The following MLLT10 variants were observed in gnomAD, a reference collection of about 807,000 sequenced individuals.
MLLT10 encodes MLLT10 histone lysine methyltransferase DOT1L cofactor.
In MLLT10, 30 loss-of-function variants were observed where a neutral mutation model predicts 129.1. That is an observed-to-expected ratio of 0.23 (90% CI 0.17 to 0.32). The LOEUF is 0.32. Among genes scored for constraint, MLLT10 ranks in the 10% least tolerant of loss-of-function variants. The pLI, the probability that MLLT10 is intolerant of heterozygous loss-of-function variation, is 1.00. For synonymous variants in MLLT10, 490 were observed against 446.4 expected, an observed-to-expected ratio of 1.10 and a Z score of -1.23; for missense variants, 1,119 against 1,268.3, an observed-to-expected ratio of 0.88 and a Z score of 1.79.
At chr10:21,562,361 G>A (rs2038932525) in intron 3 of MLLT10, among the ~76,000 whole-genome samples, 2 of 149,838 alleles carry the variant, frequency 1.3e-5, no homozygotes, top group South Asian at 2.1e-4. Flanking sequence ...TTTTGAGACG[G>A]CGTCTCACTC....
intron 3 of MLLT10, among the ~76,000 whole-genome samples, chr10:21,547,002 C>T (rs1045287029): frequency 3.9e-5 from 6 of 151,988 alleles, no homozygotes; most frequent in Non-Finnish European, 4.4e-5. Flanking sequence ...GGATTACAGG[C>T]GTGAACTCCC....
intron 2 of MLLT10, among the ~76,000 whole-genome samples, chr10:21,536,314 A>G (rs547250310): frequency 6.6e-6 from 1 of 152,302 alleles, no homozygotes; most frequent in South Asian, 2.1e-4. Context: ...GTCAAACCAG[A>G]TACTGATTTT....
chr10:21,651,123 G>A (rs970247514), intron 8 of MLLT10, among the ~76,000 whole-genome samples: 15 of 152,066 alleles, frequency 9.9e-5, no homozygotes, highest in African/African-American at 3.6e-4. Context: ...CCAGGCTCGG[G>A]TGCAGTGGAA....
chr10:21,630,201 GT>G (rs2046871314), intron 8 of MLLT10, among the ~76,000 whole-genome samples: 1 of 152,160 alleles, frequency 6.6e-6, no homozygotes, highest in Non-Finnish European at 1.5e-5. Flanking sequence ...TTTCAAAAGT[GT>G]TTAAAATAAT....
intron 14 of MLLT10, among the ~76,000 whole-genome samples, chr10:21,723,357 C>A (rs552710741): frequency 6.6e-4 from 101 of 152,192 alleles, no homozygotes; most frequent in African/African-American, 2.4e-3. Flanking sequence ...GCAGAAGGAA[C>A]CCTTCCTAAA....
chr10:21,636,460 T>C (rs2047469184), intron 8 of MLLT10, among the ~76,000 whole-genome samples: 1 of 152,206 alleles, frequency 6.6e-6, no homozygotes, highest in African/African-American at 2.4e-5. Flanking sequence ...ATTTCACTTT[T>C]ATATTGTCTT....
At chr10:21,637,495 T>C (rs2047572893) in intron 8 of MLLT10, among the ~76,000 whole-genome samples, 2 of 152,162 alleles carry the variant, frequency 1.3e-5, no homozygotes, top group Non-Finnish European at 1.5e-5. Flanking sequence ...GTTGAGCAGG[T>C]CTTTGAAATT....
At chr10:21,713,139 G>A (rs1007728011) in intron 13 of MLLT10, among the ~76,000 whole-genome samples, 1 of 152,000 alleles carries the variant, frequency 6.6e-6, no homozygotes, top group Non-Finnish European at 1.5e-5. Flanking sequence ...TGTCTTAATC[G>A]TTCCTCCTCT....
chr10:21,667,205 G>A (rs1471409738), intron 9 of MLLT10, among the ~76,000 whole-genome samples: 1 of 151,946 alleles, frequency 6.6e-6, no homozygotes, highest in South Asian at 2.1e-4. Context: ...TTTTTGGAGT[G>A]TAAGACATCC....
chr10:21,697,099 C>CA (rs1163740638), intron 13 of MLLT10, among the ~76,000 whole-genome samples: 46,198 of 82,792 alleles, frequency 0.56, 12,742 homozygotes, highest in East Asian at 0.77. Context: ...CTGATTTAAG[C>CA]AAAAAAAAAA....
At chr10:21,562,820 T>G (rs1264109698) in intron 3 of MLLT10, among the ~76,000 whole-genome samples, 1 of 130,450 alleles carries the variant, frequency 7.7e-6, no homozygotes, top group Admixed American at 7.6e-5. Flanking sequence ...TTTTTTTTGT[T>G]TTTTTTTTTT....
chr10:21,603,264 A>G (rs1256320836), intron 5 of MLLT10, among the ~76,000 whole-genome samples: 2 of 132,380 alleles, frequency 1.5e-5, no homozygotes, highest in South Asian at 2.3e-4. Flanking sequence ...GCGGGGTTTC[A>G]CCATGTTGGC....
chr10:21,590,400 C>T (rs565396848), intron 4 of MLLT10, among the ~76,000 whole-genome samples: 6 of 151,284 alleles, frequency 4.0e-5, no homozygotes, highest in East Asian at 3.9e-4. Flanking sequence ...AATGCAGTGG[C>T]GTGATGTCGG....
intron 8 of MLLT10, among the ~76,000 whole-genome samples, chr10:21,638,703 A>G (rs772664131): frequency 2.0e-5 from 3 of 152,106 alleles, no homozygotes; most frequent in Non-Finnish European, 4.4e-5. Flanking sequence ...TCCATAGCAT[A>G]CTTGGATGAC....
intron 8 of MLLT10, among the ~76,000 whole-genome samples, chr10:21,634,450 A>T (rs1401898066): frequency 6.6e-6 from 1 of 152,232 alleles, no homozygotes; most frequent in Non-Finnish European, 1.5e-5. Context: ...TTATCCCATC[A>T]TCCGTGATAC....
intron 8 of MLLT10, among the ~76,000 whole-genome samples, chr10:21,640,578 T>G (rs1324516594): frequency 6.6e-6 from 1 of 151,998 alleles, no homozygotes; most frequent in African/African-American, 2.4e-5. Flanking sequence ...TAAAATCTGT[T>G]TGTGCTGTGT....
At chr10:21,695,595 C>A (rs898709661) in intron 13 of MLLT10, among the ~76,000 whole-genome samples, 2 of 151,918 alleles carry the variant, frequency 1.3e-5, no homozygotes, top group African/African-American at 4.8e-5. Context: ...TATTTATTTG[C>A]CATTTCTATT....
chr10:21,654,423 TG>T (rs2049351675), intron 9 of MLLT10, among the ~76,000 whole-genome samples: 1 of 152,206 alleles, frequency 6.6e-6, no homozygotes, highest in East Asian at 1.9e-4. Context: ...GATGGGATTT[TG>T]GGGAAAATAT....
intron 21 of MLLT10, among the ~76,000 whole-genome samples, chr10:21,737,555 C>A (rs186144199): frequency 1.3e-5 from 2 of 152,220 alleles, no homozygotes; most frequent in Admixed American, 1.3e-4. Flanking sequence ...TTGAAGCAAT[C>A]CCACTTTCAG....
Sources: allele counts gnomAD v4.1 joint callset (sites outside exome capture counted in the v4.1 genomes callset), GRCh38; gene constraint gnomAD v4.1.1; transcripts MANE v1.5; gene names NCBI Gene and HGNC (gene_info 2026-07-23, HGNC 2026-07-21).